Variants in IQCJ observed in about 807,000 individuals in gnomAD.
IQCJ encodes IQ domain-containing protein J.
Under a neutral mutation model 11.0 loss-of-function variants are expected in IQCJ, and 9 were observed. That is an observed-to-expected ratio of 0.82 (90% CI 0.49 to 1.43). The LOEUF is 1.43. Ranked by LOEUF, IQCJ falls within the 40% of genes most tolerant of loss-of-function variation. IQCJ has a pLI of 0.00. For missense variants in IQCJ, 146 were observed against 133.2 expected (o/e 1.10, Z -0.47); for synonymous variants, 55 against 51.3 (o/e 1.07, Z -0.31).
rs529990688 is a variant in IQCJ at position 159,080,556 on chromosome 3, G to A, written c.9+11115G>A. 5.3e-5 allele frequency among the ~76,000 whole-genome samples: 8 copies of A among 152,236 alleles called. No individual in the cohort carries two copies. In the East Asian group the frequency reaches 9.7e-4, roughly 18 times the overall value. The stretch of plus-strand genomic sequence containing the variant: ...ATCTGAATAATTGGTCTAATAAACC[G>A]CGTTAGTGTTTCATCTTGGCAAAGG... On this transcript the variant is annotated intron_variant, in intron 1 of 3. Transcript: ENST00000397832.
intron 1 of IQCJ, among the ~76,000 whole-genome samples, chr3:159,243,602 G>A (rs1233284377): frequency 6.6e-6 from 1 of 152,174 alleles, no homozygotes; most frequent in African/African-American, 2.4e-5. Context: ...GGTGCCTTTG[G>A]GAGAGGAAAA....
chr3:159,124,382 T>G (rs778254330), intron 1 of IQCJ, among the ~76,000 whole-genome samples: 4 of 152,140 alleles, frequency 2.6e-5, no homozygotes, highest in Non-Finnish European at 5.9e-5. Flanking sequence ...TATGAGTAAA[T>G]ACCAAAAATG....
At chr3:159,170,961 C>T (rs540184398) in intron 1 of IQCJ, among the ~76,000 whole-genome samples, 35 of 152,224 alleles carry the variant, frequency 2.3e-4, no homozygotes, top group African/African-American at 8.4e-4. Flanking sequence ...ATTTAAATAA[C>T]TTCTCCAGTT....
At chr3:159,256,967 G>T (rs1321430683) in intron 3 of IQCJ, among the ~76,000 whole-genome samples, 1 of 152,122 alleles carries the variant, frequency 6.6e-6, no homozygotes, top group Non-Finnish European at 1.5e-5. Context: ...CCTATTTTAT[G>T]GATAAGAAAG....
In IQCJ at chr3:159,092,142, CATT is replaced by C. The variant is rs78917690; in HGVS notation, c.9+22704_9+22706del. On this transcript the variant is annotated intron_variant, in intron 1 of 3. Coordinates refer to ENST00000397832, the MANE Select transcript of IQCJ (RefSeq NM_001042706.3). ...CATCACCAAGAGGGGGTCCACTTGA[CATT>C]ATCTGCTTCCTGATGAGTTGCAGTA... is the stretch of plus-strand genomic sequence containing the variant. Among the ~76,000 whole-genome samples the C allele has an allele frequency of 8.6e-5, 13 of 151,940 alleles. No individual in the cohort carries two copies. The East Asian group carries it at 2.3e-3, about 27-fold the overall frequency.
At chr3:159,163,272 C>CT (rs1320158895) in intron 1 of IQCJ, among the ~76,000 whole-genome samples, 1 of 152,174 alleles carries the variant, frequency 6.6e-6, no homozygotes, top group Non-Finnish European at 1.5e-5. Context: ...GTTCAATATA[C>CT]ACAAATCAAT....
intron 1 of IQCJ, among the ~76,000 whole-genome samples, chr3:159,188,002 C>T (rs370391178): frequency 6.6e-6 from 1 of 152,164 alleles, no homozygotes; most frequent in African/African-American, 2.4e-5. Flanking sequence ...CCCAAGCTAC[C>T]GACCAGAGAG....
intron 1 of IQCJ, among the ~76,000 whole-genome samples, chr3:159,218,977 A>G (rs1449475632): frequency 6.6e-6 from 1 of 152,056 alleles, no homozygotes; most frequent in Non-Finnish European, 1.5e-5. Flanking sequence ...GCAGCATAGC[A>G]CCTTCAAATC....
chr3:159,103,392 A>G (rs1718051904), intron 1 of IQCJ, among the ~76,000 whole-genome samples: 1 of 152,172 alleles, frequency 6.6e-6, no homozygotes, highest in Non-Finnish European at 1.5e-5. Context: ...ACATTTATAA[A>G]GCTTCCTGAG....
chr3:159,101,463 G>T (rs147382551), intron 1 of IQCJ, among the ~76,000 whole-genome samples: 25 of 152,318 alleles, frequency 1.6e-4, no homozygotes, highest in African/African-American at 5.5e-4. Context: ...GTGAACACTG[G>T]TGGTTGGTCC....
chr3:159,074,453 A>G (rs1268545708), intron 1 of IQCJ, among the ~76,000 whole-genome samples: 1 of 152,102 alleles, frequency 6.6e-6, no homozygotes, highest in Non-Finnish European at 1.5e-5. Flanking sequence ...AGAAATGGAC[A>G]GGAGGAAGAT....
At chr3:159,220,928 G>C (rs943677301) in intron 1 of IQCJ, among the ~76,000 whole-genome samples, 1 of 152,102 alleles carries the variant, frequency 6.6e-6, no homozygotes, top group African/African-American at 2.4e-5. Context: ...CCACACCACT[G>C]TCATTTACAT....
chr3:159,142,703 C>A (rs1720692354), intron 1 of IQCJ, among the ~76,000 whole-genome samples: 1 of 152,086 alleles, frequency 6.6e-6, no homozygotes, highest in Admixed American at 6.5e-5. Flanking sequence ...CAGGCGTCAG[C>A]CACCGTACCC....
At chr3:159,251,037 A>C (rs1051356742) in intron 2 of IQCJ, among the ~76,000 whole-genome samples, 3 of 152,086 alleles carry the variant, frequency 2.0e-5, no homozygotes, top group Non-Finnish European at 4.4e-5. Flanking sequence ...TTAACAATTA[A>C]TTAGTAATGG....
chr3:159,253,363 C>G (rs1342494907), intron 3 of IQCJ, among the ~76,000 whole-genome samples: 1 of 152,060 alleles, frequency 6.6e-6, no homozygotes, highest in Non-Finnish European at 1.5e-5. Context: ...CTAACAACAT[C>G]TCAATATTAA....
At chr3:159,206,606 C>A (rs910133115) in intron 1 of IQCJ, among the ~76,000 whole-genome samples, 13 of 152,178 alleles carry the variant, frequency 8.5e-5, no homozygotes, top group African/African-American at 2.7e-4. Flanking sequence ...GTGTGTTCAT[C>A]TTTGTGATTC....
intron 1 of IQCJ, among the ~76,000 whole-genome samples, chr3:159,237,954 T>C (rs914947140): frequency 6.6e-6 from 1 of 152,154 alleles, no homozygotes; most frequent in South Asian, 2.1e-4. Flanking sequence ...CAGAGACAAC[T>C]CATGTAAAAG....
chr3:159,161,905 C>T (rs1025237274), intron 1 of IQCJ, among the ~76,000 whole-genome samples: 1 of 152,138 alleles, frequency 6.6e-6, no homozygotes, highest in African/African-American at 2.4e-5. Context: ...TGTTTTGGTA[C>T]CAGTACCATG....
intron 1 of IQCJ, among the ~76,000 whole-genome samples, chr3:159,167,600 A>G (rs1446124320): frequency 6.6e-6 from 1 of 152,220 alleles, no homozygotes; most frequent in African/African-American, 2.4e-5. Context: ...TTAAAGCGTC[A>G]TGAATTGTTT....
Sources: allele counts gnomAD v4.1 joint callset (sites outside exome capture counted in the v4.1 genomes callset), GRCh38; gene constraint gnomAD v4.1.1; transcripts MANE v1.5; gene names NCBI Gene and HGNC (gene_info 2026-07-23, HGNC 2026-07-21).